Variants in TAF2 observed in about 807,000 individuals in gnomAD.
TAF2 encodes the protein transcription initiation factor TFIID subunit 2.
In TAF2, 61 loss-of-function variants were observed where a neutral mutation model predicts 138.5. That is an observed-to-expected ratio of 0.44 (90% CI 0.36 to 0.54). TAF2 has a LOEUF of 0.54. TAF2 is among the 20% of genes least tolerant of loss of function. TAF2 has a pLI of 0.00. For synonymous variants in TAF2, 475 were observed against 469.9 expected, an observed-to-expected ratio of 1.01 and a Z score of -0.14; for missense variants, 1,090 against 1,427.9, an observed-to-expected ratio of 0.76 and a Z score of 3.81.
chr8:119,832,127 C>CCAAA (rs1383288847), intron 1 of TAF2, among the ~76,000 whole-genome samples: 1 of 152,038 alleles, frequency 6.6e-6, no homozygotes, highest in Non-Finnish European at 1.5e-5. Context: ...CCGTTGCACT[C>CCAAA]CAGCCTGGGC....
At chr8:119,825,723 C>A (rs970832102) in intron 2 of TAF2, among the ~76,000 whole-genome samples, 1 of 152,066 alleles carries the variant, frequency 6.6e-6, no homozygotes, top group Non-Finnish European at 1.5e-5. Flanking sequence ...CTCGCTCTGT[C>A]GCCCAGGCTG....
chr8:119,815,234 A>T (rs1432908010), intron 3 of TAF2, among the ~76,000 whole-genome samples: 1 of 150,238 alleles, frequency 6.7e-6, no homozygotes, highest in Non-Finnish European at 1.5e-5. Flanking sequence ...GTGATCAGAG[A>T]TTGCACCATT....
chr8:119,815,052 G>A (rs545158716), intron 3 of TAF2, among the ~76,000 whole-genome samples: 16 of 151,520 alleles, frequency 1.1e-4, no homozygotes, highest in African/African-American at 2.4e-4. Context: ...GCATGATCTC[G>A]AACTCATGAT....
At chr8:119,832,070 A>T (rs1174549126) in intron 1 of TAF2, among the ~76,000 whole-genome samples, 9 of 152,192 alleles carry the variant, frequency 5.9e-5, no homozygotes, top group Non-Finnish European at 1.5e-5. Flanking sequence ...GAGCCAGGAG[A>T]AAAGCTTGAA....
At chr8:119,819,730 A>C (rs2131256692) in intron 2 of TAF2, among the ~76,000 whole-genome samples, 1 of 152,242 alleles carries the variant, frequency 6.6e-6, no homozygotes, top group Middle Eastern at 3.4e-3. Flanking sequence ...GTTCATATTC[A>C]CTATCAGTGA....
chr8:119,829,988 T>TC (rs1826345515), intron 2 of TAF2, among the ~76,000 whole-genome samples: 1 of 151,184 alleles, frequency 6.6e-6, no homozygotes, highest in Non-Finnish European at 1.5e-5. Flanking sequence ...CAAGTTCGCC[T>TC]CCCAGGTTCA....
At chr8:119,810,904 A>T (rs138258876) in intron 3 of TAF2, among the ~76,000 whole-genome samples, 215 of 152,312 alleles carry the variant, frequency 1.4e-3, no homozygotes, top group Non-Finnish European at 2.8e-3. Context: ...AAGTGGTCCA[A>T]ATAAAATGAG....
At chr8:119,753,335 A>T (rs1820481738) in intron 22 of TAF2, among the ~76,000 whole-genome samples, 4 of 152,168 alleles carry the variant, frequency 2.6e-5, no homozygotes, top group Admixed American at 2.0e-4. Flanking sequence ...TAAATCAAAT[A>T]AAAAAAGTAT....
intron 25 of TAF2, among the ~76,000 whole-genome samples, chr8:119,741,502 C>A (rs533123774): frequency 1.3e-5 from 2 of 152,278 alleles, no homozygotes; most frequent in South Asian, 4.1e-4. Flanking sequence ...AAGTCCCCAA[C>A]TGATTTCTTT....
intron 2 of TAF2, among the ~76,000 whole-genome samples, chr8:119,824,219 A>G (rs1825959688): frequency 2.0e-5 from 3 of 152,088 alleles, no homozygotes; most frequent in African/African-American, 7.2e-5. Context: ...TCACGAGGTC[A>G]GGAGTTCAAG....
In TAF2 at chr8:119,832,542, G is replaced by T; in HGVS notation, c.23C>A (p.Pro8His). ...TCCTTTCTTCCTGTTCATTCTGGCGGGCTCTACACCAGTCAGCGGCATGAA... is the reference window on the plus strand; with the variant it reads ...TCCTTTCTTCCTGTTCATTCTGGCGTGCTCTACACCAGTCAGCGGCATGAA... MPLTGVE[P>H]ARMNRKKGDK... Residue 8 changes from proline (P) to histidine (H), a missense_variant, in exon 1 of 26, where the codon CCC becomes CAC. This residue lies in a region of TAF2 where 504 missense variants were observed against 680.9 expected (regional missense o/e 0.74). Transcript: ENST00000378164. 1.9e-6 allele frequency: 3 copies of T among 1,612,516 alleles called. No homozygotes were observed. The highest frequency in any genetic ancestry group is 2.5e-6 in the Non-Finnish European group (3 of 1,179,540).
Position 119,802,176 on chromosome 8 carries a change from A to G in TAF2, c.561-151T>C, listed in dbSNP as rs1824311284. 3 of 657,158 alleles carry G rather than the reference A, an allele frequency of 4.6e-6. No individual in the cohort carries two copies. In the East Asian group the frequency reaches 8.1e-5, roughly 18 times the overall value. 40.7% of individuals were successfully genotyped at this position (657,158 alleles called of 1,614,324 possible). ...GAAGCTTTTTACTGTACAACCTGAA[A>G]AAAATCTGATAAAATAAAATCTGTT... On this transcript the variant is annotated intron_variant, in intron 5 of 25. Transcript: ENST00000378164.
chr8:119,751,706 A>T (rs1820366891), intron 22 of TAF2, among the ~76,000 whole-genome samples: 1 of 152,252 alleles, frequency 6.6e-6, no homozygotes, highest in Non-Finnish European at 1.5e-5. Context: ...ACAGTGAATT[A>T]ATATGTGAAA....
At chr8:119,811,459 C>A (rs1586509487) in intron 3 of TAF2, among the ~76,000 whole-genome samples, 1 of 152,044 alleles carries the variant, frequency 6.6e-6, no homozygotes. Flanking sequence ...TTTTCACAAA[C>A]TGAAAAATTA....
At chr8:119,767,435 T>G (rs1391534864) in intron 18 of TAF2, among the ~76,000 whole-genome samples, 1 of 152,182 alleles carries the variant, frequency 6.6e-6, no homozygotes, top group East Asian at 1.9e-4. Flanking sequence ...AAAGGATAAG[T>G]GAGTGAGAGA....
chr8:119,831,745 T>C lies in TAF2; in HGVS notation c.84-14A>G, dbSNP rs745805095. The stretch of plus-strand genomic sequence containing the variant: ...ACCTGATGGGTTGTATATTAATAAA[T>C]ATAAAAAGAAAATAAGGAAAAAATA... On this transcript the variant is annotated splice_polypyrimidine_tract_variant and intron_variant, in intron 1 of 25. Transcript: ENST00000378164. 2.6e-6 allele frequency: 4 copies of C among 1,521,194 alleles called. No individual in the cohort carries two copies. Among genetic ancestry groups the C allele is most frequent in the Middle Eastern group, 2.3e-4 (1 of 4,434 alleles). The allele number at this position is 1,521,194 out of a possible 1,614,324, so 94.2% of individuals were successfully genotyped here.
At chr8:119,758,662 T>C (rs545145349) in intron 20 of TAF2, among the ~76,000 whole-genome samples, 1 of 152,288 alleles carries the variant, frequency 6.6e-6, no homozygotes, top group African/African-American at 2.4e-5. Flanking sequence ...ATGAATATAG[T>C]TGACATAAAA....
intron 18 of TAF2, among the ~76,000 whole-genome samples, chr8:119,766,488 T>C (rs549598237): frequency 1.2e-4 from 19 of 152,344 alleles, no homozygotes; most frequent in African/African-American, 4.6e-4. Flanking sequence ...GGATAGTCTA[T>C]GGAAGTTCTG....
chr8:119,804,983 G>T (rs537143233), intron 4 of TAF2, among the ~76,000 whole-genome samples: 45 of 152,102 alleles, frequency 3.0e-4, no homozygotes, highest in African/African-American at 1.1e-3. Flanking sequence ...ATGCAATGAC[G>T]ACTTCCACGT....
Sources: allele counts gnomAD v4.1 joint callset (sites outside exome capture counted in the v4.1 genomes callset), GRCh38; gene constraint gnomAD v4.1.1; regional missense constraint gnomAD v4.1.1; transcripts MANE v1.5; gene names NCBI Gene and HGNC (gene_info 2026-07-23, HGNC 2026-07-21).